The following NKAIN2 variants were observed in gnomAD, a reference collection of about 807,000 sequenced individuals.
NKAIN2 encodes sodium/potassium transporting ATPase interacting 2.
A neutral mutation model predicts 32.6 loss-of-function variants in NKAIN2; 14 were observed. The observed-to-expected ratio is 0.43, with a 90% CI of 0.28 to 0.67. The LOEUF (loss-of-function observed/expected upper bound fraction) is 0.67. Among genes scored for constraint, NKAIN2 ranks in the 30% least tolerant of loss-of-function variants. The probability of loss-of-function intolerance (pLI) is 0.17; values close to 1 mark genes in which losing one functional copy is unlikely to be tolerated. For missense variants in NKAIN2, 198 were observed against 258.3 expected, an observed-to-expected ratio of 0.77 and a Z score of 1.60; for synonymous variants, 80 against 87.2, an observed-to-expected ratio of 0.92 and a Z score of 0.46.
At chr6:124,384,492 A>T (rs947283115) in intron 3 of NKAIN2, among the ~76,000 whole-genome samples, 2 of 152,180 alleles carry the variant, frequency 1.3e-5, no homozygotes, top group African/African-American at 4.8e-5. Context: ...TAATTAAATT[A>T]TGTGCTTTAT....
At chr6:124,584,309 TA>T (rs1435146843) in intron 3 of NKAIN2, among the ~76,000 whole-genome samples, 5 of 152,126 alleles carry the variant, frequency 3.3e-5, no homozygotes, top group Non-Finnish European at 7.4e-5. Context: ...AAATATCTAA[TA>T]ATTTGATTAA....
chr6:124,665,415 C>A (rs1278046777), intron 4 of NKAIN2, among the ~76,000 whole-genome samples: 2 of 152,148 alleles, frequency 1.3e-5, no homozygotes, highest in Non-Finnish European at 2.9e-5. Context: ...AAATATCAAG[C>A]ATCAATTCCA....
intron 3 of NKAIN2, among the ~76,000 whole-genome samples, chr6:124,639,394 A>T (rs1025365909): frequency 6.6e-6 from 1 of 152,176 alleles, no homozygotes; most frequent in South Asian, 2.1e-4. Flanking sequence ...ATGCCTGTAA[A>T]TCCCAGCACT....
chr6:124,241,846 A>G (rs1793116359), intron 1 of NKAIN2, among the ~76,000 whole-genome samples: 1 of 151,974 alleles, frequency 6.6e-6, no homozygotes, highest in Admixed American at 6.6e-5. Flanking sequence ...ATGAAAATGT[A>G]TATGACAGAA....
intron 3 of NKAIN2, among the ~76,000 whole-genome samples, chr6:124,657,685 G>C (rs1784589459): frequency 6.6e-6 from 1 of 151,966 alleles, no homozygotes; most frequent in South Asian, 2.1e-4. Context: ...GTTTTCTTAA[G>C]TAAGGGTCTT....
chr6:123,811,763 T>C (rs1048548463), intron 1 of NKAIN2, among the ~76,000 whole-genome samples: 1 of 152,160 alleles, frequency 6.6e-6, no homozygotes, highest in Admixed American at 6.6e-5. Flanking sequence ...TTATGGCCAA[T>C]GGCCCTAGTT....
intron 1 of NKAIN2, among the ~76,000 whole-genome samples, chr6:124,131,102 T>G (rs568152895): frequency 6.6e-6 from 1 of 152,332 alleles, no homozygotes; most frequent in East Asian, 1.9e-4. Flanking sequence ...TCAGAATTAC[T>G]TTACCCTCCA....
At chr6:124,492,897 A>G (rs916431349) in intron 3 of NKAIN2, among the ~76,000 whole-genome samples, 11 of 151,902 alleles carry the variant, frequency 7.2e-5, no homozygotes, top group African/African-American at 2.4e-4. Context: ...GTTTTTTTGG[A>G]AACAGCACAC....
intron 3 of NKAIN2, among the ~76,000 whole-genome samples, chr6:124,383,193 A>G (rs1376191355): frequency 6.6e-6 from 1 of 152,090 alleles, no homozygotes; most frequent in Non-Finnish European, 1.5e-5. Context: ...TTACCTCGCT[A>G]GTGTCTTTGC....
intron 1 of NKAIN2, among the ~76,000 whole-genome samples, chr6:124,002,336 G>A (rs899908674): frequency 6.6e-6 from 1 of 152,046 alleles, no homozygotes; most frequent in African/African-American, 2.4e-5. Context: ...TGAAATGAAT[G>A]GTTAATGAAT....
intron 3 of NKAIN2, among the ~76,000 whole-genome samples, chr6:124,635,548 A>G (rs774613228): frequency 1.4e-4 from 21 of 152,086 alleles, no homozygotes; most frequent in Non-Finnish European, 2.8e-4. Flanking sequence ...TCTGCTGCCT[A>G]CAAGAAACTA....
At chr6:123,907,409 C>T (rs1774937272) in intron 1 of NKAIN2, among the ~76,000 whole-genome samples, 1 of 151,948 alleles carries the variant, frequency 6.6e-6, no homozygotes, top group Non-Finnish European at 1.5e-5. Flanking sequence ...ACTAGAATCC[C>T]TTAGTAATAA....
intron 4 of NKAIN2, among the ~76,000 whole-genome samples, chr6:124,752,946 T>C (rs926462393): frequency 6.6e-6 from 1 of 152,080 alleles, no homozygotes; most frequent in African/African-American, 2.4e-5. Flanking sequence ...TGTATTATTC[T>C]TCCCTCTCTT....
chr6:124,435,862 G>A (rs1039801834), intron 3 of NKAIN2, among the ~76,000 whole-genome samples: 1 of 152,080 alleles, frequency 6.6e-6, no homozygotes, highest in East Asian at 1.9e-4. Context: ...AACAGACACA[G>A]TATTATTGGG....
At chr6:124,351,209 C>T (rs988914203) in intron 2 of NKAIN2, among the ~76,000 whole-genome samples, 6 of 151,754 alleles carry the variant, frequency 4.0e-5, no homozygotes, top group Non-Finnish European at 8.8e-5. Context: ...ATTAAGTAAA[C>T]AAGTCTAGTT....
intron 1 of NKAIN2, among the ~76,000 whole-genome samples, chr6:123,826,295 A>G (rs1774144829): frequency 6.6e-6 from 1 of 152,132 alleles, no homozygotes; most frequent in Non-Finnish European, 1.5e-5. Context: ...TTTTAGTTCT[A>G]TTTTTTATGT....
intron 2 of NKAIN2, among the ~76,000 whole-genome samples, chr6:124,312,815 T>A (rs1448882028): frequency 6.6e-6 from 1 of 152,162 alleles, no homozygotes; most frequent in African/African-American, 2.4e-5. Flanking sequence ...CTTTTTGGCT[T>A]TTCAATGCAG....
intron 4 of NKAIN2, among the ~76,000 whole-genome samples, chr6:124,754,736 A>G (rs914728538): frequency 6.6e-6 from 1 of 152,110 alleles, no homozygotes; most frequent in African/African-American, 2.4e-5. Flanking sequence ...CGATTCCTCA[A>G]AGACCTAAAG....
At chr6:123,908,315 T>C (rs1774993784) in intron 1 of NKAIN2, among the ~76,000 whole-genome samples, 2 of 152,168 alleles carry the variant, frequency 1.3e-5, no homozygotes, top group Admixed American at 1.3e-4. Context: ...TCAGAATGTT[T>C]CTTGTTGAAT....
Sources: gnomAD v4.1 joint callset for allele counts (sites outside exome capture counted in the v4.1 genomes callset) on GRCh38, gnomAD v4.1.1 for gene constraint, MANE v1.5 for transcripts, NCBI Gene and HGNC (gene_info 2026-07-23, HGNC 2026-07-21) for gene names.